Variants in PURG observed in about 807,000 individuals in gnomAD.
PURG encodes purine rich element binding protein G, also known as purine-rich element-binding protein gamma.
Under a neutral mutation model 24.3 loss-of-function variants are expected in PURG, and 3 were observed. The observed-to-expected ratio is 0.12, with a 90% confidence interval of 0.06 to 0.32. PURG has a LOEUF of 0.32. PURG is among the 10% of genes least tolerant of loss of function. The probability of loss-of-function intolerance (pLI) is 1.00; values close to 1 mark genes in which losing one functional copy is unlikely to be tolerated. For synonymous variants in PURG, 180 were observed against 173.1 expected (o/e 1.04, Z -0.31); for missense variants, 371 against 439.1 (o/e 0.84, Z 1.39).
At chr8:31,027,238 ACTCCT>A (rs1811108376), downstream of PURG, among the ~76,000 whole-genome samples, 1 of 151,636 alleles carries the variant, frequency 6.6e-6, no homozygotes, top group Non-Finnish European at 1.5e-5. Flanking sequence ...ATCAATGTTA[ACTCCT>A]CTTTGTATGT....
chr8:30,996,703 G>A, intron 1 of PURG: 1 of 1,593,936 alleles, frequency 6.3e-7, no homozygotes. Flanking sequence ...GTGAGCTAAA[G>A]AAAAAATATT....
In PURG at chr8:31,032,195, T is replaced by A. The variant is rs559569366; in HGVS notation, c.588A>T (p.Leu196=). The A allele has an allele frequency of 2.2e-5, 35 of 1,614,154 alleles. No homozygotes were observed. The East Asian group carries it at 7.4e-4, about 34-fold the overall frequency. Reference sequence around the variant, plus strand: ...CCCGCATCATGGTTTGTCTAATCCGTAGGAAGCGACCCCGCTGATTTTCCT... The same window carrying A: ...CCCGCATCATGGTTTGTCTAATCCGAAGGAAGCGACCCCGCTGATTTTCCT... ...DLKENQRGRF[L]RIRQTMMRGT... is the part of the protein sequence containing the mutation. Residue 196 remains leucine (L), a synonymous_variant, in exon 2 of 2, where the codon CTA becomes CTT. Transcript: ENST00000523392. This position sits in a 1 kb window ranked among gnomAD's most constrained non-coding sequence, Gnocchi z 5.9.
In PURG at chr8:31,031,588, T is replaced by C. The variant is rs946439805; in HGVS notation, c.*151A>G. The C allele has an allele frequency of 8.7e-6, 6 of 692,528 alleles. No individual in the cohort carries two copies. In the African/African-American group the frequency reaches 9.0e-5, roughly 10 times the overall value. 42.9% of individuals were successfully genotyped at this position (692,528 alleles called of 1,614,324 possible). On this transcript the variant is annotated 3_prime_UTR_variant, in exon 2 of 2. Coordinates refer to ENST00000523392, the MANE Select transcript of PURG (RefSeq NM_001323311.2). ...ATAGTGATCTATGTGTAACATAACA[T>C]GAGAATCAGACTTCCTGAAGTATCA...
In PURG at chr8:31,032,009, C is replaced by T. The variant is rs773670793; in HGVS notation, c.774G>A (p.Pro258=). ...AAGAAGTCCCCTCTGGGAGTTCAAG[C>T]GGGTCATCGTCTCCACCTCTTCGTT... ...IEERRGGDDD[P]LELPEGTSFR... Residue 258 remains proline, a synonymous_variant, in exon 2 of 2, where the codon CCG becomes CCA. Transcript: ENST00000523392. This position sits in a 1 kb window ranked among gnomAD's most constrained non-coding sequence, Gnocchi z 5.9. 1.4e-5 allele frequency: 23 copies of T among 1,613,986 alleles called. No individual in the cohort carries two copies. The highest frequency in any genetic ancestry group is 3.3e-4 in the Middle Eastern group (2 of 6,084).
intron 1 of PURG, among the ~76,000 whole-genome samples, chr8:31,013,840 C>T (rs1810807157): frequency 1.3e-5 from 2 of 152,130 alleles, no homozygotes; most frequent in South Asian, 2.1e-4. Flanking sequence ...CTGAGGAACG[C>T]ATGGAATTAA....
chr8:31,026,297 G>A (rs1811086711), downstream of PURG, among the ~76,000 whole-genome samples: 1 of 151,580 alleles, frequency 6.6e-6, no homozygotes, highest in Admixed American at 6.6e-5. Context: ...CACTCCTGAA[G>A]TGCACTACTT....
intron 1 of PURG, among the ~76,000 whole-genome samples, chr8:31,002,692 C>T (rs771722594): frequency 3.9e-5 from 6 of 152,124 alleles, no homozygotes; most frequent in African/African-American, 1.2e-4. Context: ...CCACGTTGGC[C>T]GGGCTGGTCT....
intron 1 of PURG, among the ~76,000 whole-genome samples, chr8:31,004,981 T>C (rs1394089139): frequency 6.6e-6 from 1 of 152,208 alleles, no homozygotes; most frequent in Non-Finnish European, 1.5e-5. Flanking sequence ...ATTTTAATAG[T>C]AGTTATGTGT....
At chr8:31,023,564 A>C (rs1031173313) in intron 1 of PURG, among the ~76,000 whole-genome samples, 2 of 151,476 alleles carry the variant, frequency 1.3e-5, no homozygotes, top group African/African-American at 4.8e-5. Context: ...AAAAAGTAAT[A>C]ATAAATAAAT....
At position 31,032,280 on chromosome 8, in the gene PURG, T is replaced by C. The variant is rs886167426; in HGVS notation, c.503A>G (p.His168Arg). 2 of 1,613,736 alleles carry C rather than the reference T, an allele frequency of 1.2e-6. No homozygotes were observed. The highest frequency in any genetic ancestry group is 8.5e-7 in the Non-Finnish European group (1 of 1,180,022). The change falls in exon 2 of 2, where the codon CAC becomes CGC. Residue 168 changes from histidine to arginine, a missense_variant. Physicochemically the swap from His to Arg is conservative, Grantham distance 29. This residue lies in a region of PURG where 213 missense variants were observed against 230.6 expected (regional missense o/e 0.92). Coordinates refer to ENST00000523392, the MANE Select transcript of PURG (RefSeq NM_001323311.2). The surrounding 1 kb of genome is among the most constrained non-coding windows in gnomAD (Gnocchi z 5.9). ...GATATAGTCTGTTTTCAGGACACTG[T>C]GAGGATGCTCTTCGGACCCCACCGA... ...PVSVGSEEHP[H>R]SVLKTDYIER...
chr8:31,013,514 G>C (rs1670248306), intron 1 of PURG, among the ~76,000 whole-genome samples: 1 of 152,148 alleles, frequency 6.6e-6, no homozygotes, highest in East Asian at 1.9e-4. Context: ...GAGGCAGGAG[G>C]ATTACCTGAG....
rs1811234135 is a variant in PURG at position 31,032,294 on chromosome 8, G to A, written c.489C>T (p.Ser163=). The A allele has an allele frequency of 2.5e-6, 4 of 1,612,708 alleles. No homozygotes were observed. In the South Asian group the frequency reaches 3.3e-5, roughly 13 times the overall value. ...SAPSPPVSVG[S]EEHPHSVLKT... The stretch of plus-strand genomic sequence containing the variant: ...TCAGGACACTGTGAGGATGCTCTTC[G>A]GACCCCACCGAGACTGGTGGGGAGG... Residue 163 remains serine, a synonymous_variant, in exon 2 of 2, where the codon TCC becomes TCT. Coordinates refer to ENST00000523392, the MANE Select transcript of PURG (RefSeq NM_001323311.2). This position sits in a 1 kb window ranked among gnomAD's most constrained non-coding sequence, Gnocchi z 5.9.
At chr8:31,016,622 G>C (rs1437324907) in intron 1 of PURG, among the ~76,000 whole-genome samples, 1 of 118,796 alleles carries the variant, frequency 8.4e-6, no homozygotes, top group East Asian at 2.9e-4. Flanking sequence ...AAGAACGCAA[G>C]TCCACAGTCT....
At chr8:31,004,841 A>G (rs1484920730) in intron 1 of PURG, among the ~76,000 whole-genome samples, 1 of 152,198 alleles carries the variant, frequency 6.6e-6, no homozygotes, top group African/African-American at 2.4e-5. Context: ...CTTCCAAAAG[A>G]GTAGCTCTTG....
chr8:31,000,551 CAGA>C (rs1189405692), intron 1 of PURG, among the ~76,000 whole-genome samples: 1 of 152,232 alleles, frequency 6.6e-6, no homozygotes, highest in South Asian at 2.1e-4. Context: ...TTCTCTGTGA[CAGA>C]TGACCTGGGC....
At chr8:30,997,899 G>T (rs984071407) in intron 1 of PURG, among the ~76,000 whole-genome samples, 2 of 151,740 alleles carry the variant, frequency 1.3e-5, no homozygotes, top group African/African-American at 4.8e-5. Context: ...CCATGTTGAT[G>T]ATTTAAATTT....
At chr8:30,999,771 G>A (rs1013004418) in intron 1 of PURG, among the ~76,000 whole-genome samples, 2 of 151,896 alleles carry the variant, frequency 1.3e-5, no homozygotes, top group African/African-American at 2.4e-5. Context: ...ATATAATCAA[G>A]GAGATGATAC....
chr8:31,017,040 A>G (rs1005818562), intron 1 of PURG, among the ~76,000 whole-genome samples: 7 of 152,202 alleles, frequency 4.6e-5, no homozygotes, highest in Non-Finnish European at 8.8e-5. Flanking sequence ...TAGAAGAGAC[A>G]CATTCCAGGT....
chr8:30,997,564 T>C (rs535750724), intron 1 of PURG, among the ~76,000 whole-genome samples: 1 of 151,756 alleles, frequency 6.6e-6, no homozygotes, highest in South Asian at 2.1e-4. Flanking sequence ...TAGTAAAACA[T>C]TTAAAATTAG....
Sources: gnomAD v4.1 joint callset for allele counts (sites outside exome capture counted in the v4.1 genomes callset) on GRCh38, gnomAD v4.1.1 for gene constraint, gnomAD v4.1.1 regional missense constraint, Gnocchi (gnomAD v3.1) non-coding constraint, MANE v1.5 for transcripts, NCBI Gene and HGNC (gene_info 2026-07-23, HGNC 2026-07-21) for gene names.